Variants in RGS12 observed in about 807,000 individuals in gnomAD.
The protein encoded by RGS12 is regulator of G-protein signaling 12.
Under a neutral mutation model 120.1 loss-of-function variants are expected in RGS12, and 66 were observed. The ratio of observed to expected loss-of-function variants is 0.55; its 90% CI spans 0.45 to 0.67. The LOEUF is 0.67. RGS12 is among the 30% of genes least tolerant of loss of function. The pLI, the probability that RGS12 is intolerant of heterozygous loss-of-function variation, is 0.00. For missense variants in RGS12, 1,859 were observed against 1,957.7 expected, an observed-to-expected ratio of 0.95 and a Z score of 0.95; for synonymous variants, 827 against 804.7, an observed-to-expected ratio of 1.03 and a Z score of -0.47.
upstream of RGS12, among the ~76,000 whole-genome samples, chr4:3,288,837 T>TC (rs1722955533): frequency 6.6e-6 from 1 of 152,134 alleles, no homozygotes; most frequent in Non-Finnish European, 1.5e-5. This position sits in a 1 kb window ranked among gnomAD's most constrained non-coding sequence, Gnocchi z 5.2. Context: ...GGGCCCCAGG[T>TC]CCCAGCTCCC....
intron 3 of RGS12, among the ~76,000 whole-genome samples, chr4:3,358,992 C>G (rs1441874029): frequency 1.9e-4 from 10 of 52,998 alleles, no homozygotes; most frequent in African/African-American, 7.7e-4. Flanking sequence ...CCTCCTACAC[C>G]CTCCCCCTCC....
intron 4 of RGS12, among the ~76,000 whole-genome samples, chr4:3,401,883 C>T (rs1720624747): frequency 6.6e-6 from 1 of 152,264 alleles, no homozygotes; most frequent in African/African-American, 2.4e-5. Flanking sequence ...TGGAGGAGAG[C>T]CCTGCCTTAG....
At chr4:3,362,072 C>T (rs930277335) in intron 3 of RGS12, among the ~76,000 whole-genome samples, 4 of 152,192 alleles carry the variant, frequency 2.6e-5, no homozygotes, top group African/African-American at 4.8e-5. Flanking sequence ...GGAGGGCGGC[C>T]GTCCGCTGTG....
intron 3 of RGS12, among the ~76,000 whole-genome samples, chr4:3,351,708 G>C (rs952503287): frequency 6.6e-6 from 1 of 152,162 alleles, no homozygotes; most frequent in African/African-American, 2.4e-5. Context: ...GAAAATGGCT[G>C]TCCAGTGCTG....
At chr4:3,383,262 G>A (rs781747909) in intron 3 of RGS12, among the ~76,000 whole-genome samples, 9 of 151,952 alleles carry the variant, frequency 5.9e-5, no homozygotes, top group African/African-American at 2.2e-4. Context: ...TTCCTTCCTC[G>A]TCTCTTTTCA....
intron 1 of RGS12, among the ~76,000 whole-genome samples, chr4:3,300,768 G>GTT (rs368752777): frequency 9.2e-5 from 14 of 152,300 alleles, no homozygotes; most frequent in African/African-American, 3.4e-4. Flanking sequence ...GGGTCTGTGT[G>GTT]TCCCTTTTGC....
intron 3 of RGS12, among the ~76,000 whole-genome samples, chr4:3,368,624 GTA>G (rs1172687827): frequency 1.6e-4 from 20 of 124,898 alleles, no homozygotes; most frequent in African/African-American, 5.2e-4. Context: ...GTGTGGGGGG[GTA>G]CATGTGTGTG....
At chr4:3,396,845 C>T (rs1456557644) in intron 4 of RGS12, among the ~76,000 whole-genome samples, 1 of 151,842 alleles carries the variant, frequency 6.6e-6, no homozygotes, top group Non-Finnish European at 1.5e-5. Flanking sequence ...TTTCTGGAAT[C>T]TGTGTTGATG....
At position 3,425,521 on chromosome 4, in the gene RGS12, C is replaced by A. The variant is rs764758605; in HGVS notation, c.3292C>A (p.Arg1098=). Residue 1098 remains arginine (R), a synonymous_variant, in exon 14 of 18, where the codon CGG becomes AGG. Coordinates refer to ENST00000336727, the MANE Select transcript of RGS12 (RefSeq NM_001394154.1). ...GAPISSLDGQ[R]VVLEEKDPSR... ...CCCTATATCGAGTCTGGACGGACAG[C>A]GGGTTGTCTTGGAGGAGAAGGATCC... is the stretch of plus-strand genomic sequence containing the variant. The A allele has an allele frequency of 1.2e-6, 2 of 1,610,740 alleles. No individual in the cohort carries two copies. Among genetic ancestry groups the A allele is most frequent in the Non-Finnish European group, 1.7e-6 (2 of 1,179,414 alleles).
chr4:3,292,837 T>C (rs1723108944), upstream of RGS12, among the ~76,000 whole-genome samples: 1 of 151,746 alleles, frequency 6.6e-6, no homozygotes, highest in Non-Finnish European at 1.5e-5. Context: ...CCTGCTTCCC[T>C]GGCAGTCCCG....
intron 1 of RGS12, among the ~76,000 whole-genome samples, chr4:3,293,477 C>A (rs1723171858): frequency 6.6e-6 from 1 of 151,562 alleles, no homozygotes; most frequent in Non-Finnish European, 1.5e-5. Flanking sequence ...CGAGATGCGC[C>A]CGGGAGCGCT....
intron 3 of RGS12, among the ~76,000 whole-genome samples, chr4:3,367,624 T>C (rs1259056072): frequency 2.0e-5 from 3 of 151,776 alleles, no homozygotes; most frequent in African/African-American, 7.3e-5. Flanking sequence ...GGCAGGGGGC[T>C]CATCCCCGTC....
intron 3 of RGS12, among the ~76,000 whole-genome samples, chr4:3,351,950 TC>T (rs1714395356): frequency 6.6e-6 from 1 of 152,140 alleles, no homozygotes; most frequent in Admixed American, 6.6e-5. Flanking sequence ...TTATTTAGAA[TC>T]TTTATTTTTG....
At chr4:3,343,666 G>A (rs1713489262) in intron 3 of RGS12, among the ~76,000 whole-genome samples, 1 of 151,886 alleles carries the variant, frequency 6.6e-6, no homozygotes, top group South Asian at 2.1e-4. Flanking sequence ...CTCTCTGTGG[G>A]TTTGGACAAA....
At chr4:3,298,391 C>A (rs529191179) in intron 1 of RGS12, among the ~76,000 whole-genome samples, 2 of 152,040 alleles carry the variant, frequency 1.3e-5, no homozygotes, top group Non-Finnish European at 2.9e-5. Context: ...CACTCTTTTG[C>A]CCAGGCTGGA....
At chr4:3,338,636 C>T (rs982427101) in intron 2 of RGS12, among the ~76,000 whole-genome samples, 2 of 150,632 alleles carry the variant, frequency 1.3e-5, no homozygotes, top group Non-Finnish European at 2.9e-5. Context: ...GGTGACCGGC[C>T]TCTGTGGTTG....
At position 3,425,444 on chromosome 4, in the gene RGS12, A is replaced by G; in HGVS notation, c.3235-20A>G. 1 of 1,597,498 alleles carries G rather than the reference A, an allele frequency of 6.3e-7. No individual in the cohort carries two copies. Among genetic ancestry groups the G allele is most frequent in the Non-Finnish European group, 8.6e-7 (1 of 1,166,444 alleles). ...AAGTTCCAGTCTGGGTAAATTATTC[A>G]GTGCTGATCTCTGCCCTAGAGTGGA... On this transcript the variant is annotated intron_variant, in intron 13 of 17. Coordinates refer to ENST00000336727, the MANE Select transcript of RGS12 (RefSeq NM_001394154.1).
At chr4:3,405,322 C>G (rs1187142810) in intron 4 of RGS12, among the ~76,000 whole-genome samples, 1 of 152,258 alleles carries the variant, frequency 6.6e-6, no homozygotes, top group Non-Finnish European at 1.5e-5. Flanking sequence ...CTGCAGTAAA[C>G]TGACACCACG....
chr4:3,387,235 G>T (rs577506157), intron 4 of RGS12, among the ~76,000 whole-genome samples: 4 of 152,362 alleles, frequency 2.6e-5, no homozygotes, highest in African/African-American at 9.6e-5. Flanking sequence ...AGGCTGTGCT[G>T]CAGAAGCTGC....
Sources: gnomAD v4.1 joint callset for allele counts (sites outside exome capture counted in the v4.1 genomes callset) on GRCh38, gnomAD v4.1.1 for gene constraint, Gnocchi (gnomAD v3.1) non-coding constraint, MANE v1.5 for transcripts, NCBI Gene and HGNC (gene_info 2026-07-23, HGNC 2026-07-21) for gene names.